The following STAT5B variants were observed in gnomAD, a reference collection of about 807,000 sequenced individuals.
STAT5B encodes signal transducer and activator of transcription 5B, also known as transcription factor STAT5B.
A neutral mutation model predicts 107.8 loss-of-function variants in STAT5B; 21 were observed. That is an observed-to-expected ratio of 0.19 (90% CI 0.14 to 0.28). The LOEUF is 0.28. Ranked by LOEUF, STAT5B falls within the 10% of genes least tolerant of loss-of-function variation. The pLI is 1.00. For synonymous variants in STAT5B, 325 were observed against 401.7 expected, an observed-to-expected ratio of 0.81 and a Z score of 2.28; for missense variants, 565 against 1,008.2, an observed-to-expected ratio of 0.56 and a Z score of 5.95.
chr17:42,236,002 A>T (rs1598317508), intron 1 of STAT5B, among the ~76,000 whole-genome samples: 1 of 152,146 alleles, frequency 6.6e-6, no homozygotes, highest in African/African-American at 2.4e-5. Context: ...TTTTGCCTTA[A>T]ATTTTAGATT....
chr17:42,225,719 A>ATTT (rs777934407), intron 3 of STAT5B, among the ~76,000 whole-genome samples: 51 of 152,180 alleles, frequency 3.4e-4, no homozygotes, highest in Non-Finnish European at 6.2e-4. Context: ...CTGTTCTGTC[A>ATTT]TATCTTTATT....
intron 1 of STAT5B, among the ~76,000 whole-genome samples, chr17:42,260,931 T>TTG (rs2080590291): frequency 2.6e-5 from 4 of 151,708 alleles, no homozygotes; most frequent in Admixed American, 2.6e-4. Context: ...TTTTTTTTTT[T>TTG]CTTGAGACAG....
In STAT5B at chr17:42,202,225, G is replaced by A. The variant is rs929902845; in HGVS notation, c.2237+115C>T. The A allele has an allele frequency of 8.0e-6, 10 of 1,242,312 alleles. No homozygotes were observed. The African/African-American group carries it at 1.5e-4, about 19-fold the overall frequency. 77.0% of individuals were successfully genotyped at this position (1,242,312 alleles called of 1,614,324 possible). A position where few individuals can be genotyped will look rare whatever the true frequency, so the allele number is the denominator to read the frequency against. ...AGGCCAGAGCCCGGGCCAGGGCTGTGTGGTCTCAGACCTAGAGGAGCTCTG... is the reference window on the plus strand; with the variant it reads ...AGGCCAGAGCCCGGGCCAGGGCTGTATGGTCTCAGACCTAGAGGAGCTCTG... On this transcript the variant is annotated intron_variant, in intron 18 of 18. Transcript: ENST00000293328.
chr17:42,249,338 A>T (rs1401775496), intron 1 of STAT5B, among the ~76,000 whole-genome samples: 1 of 152,178 alleles, frequency 6.6e-6, no homozygotes, highest in Admixed American at 6.5e-5. Flanking sequence ...GGTAGCAGAG[A>T]GCCAAGATTG....
chr17:42,263,368 A>C (rs1182746554), intron 1 of STAT5B, among the ~76,000 whole-genome samples: 1 of 152,104 alleles, frequency 6.6e-6, no homozygotes, highest in African/African-American at 2.4e-5. Flanking sequence ...ATTAACAAAA[A>C]CATCACAAAC....
chr17:42,279,892 G>A (rs1483610408), upstream of STAT5B, among the ~76,000 whole-genome samples: 1 of 152,086 alleles, frequency 6.6e-6, no homozygotes, highest in Non-Finnish European at 1.5e-5. Flanking sequence ...TGGTCACCAG[G>A]CACCAAGCTA....
chr17:42,242,040 T>C (rs1413219637), intron 1 of STAT5B, among the ~76,000 whole-genome samples: 1 of 152,076 alleles, frequency 6.6e-6, no homozygotes, highest in Non-Finnish European at 1.5e-5. Flanking sequence ...CCAGGCAACA[T>C]AGAGATGATA....
At position 42,227,510 on chromosome 17, in the gene STAT5B, C is replaced by A; in HGVS notation, c.285+19G>T. The A allele has an allele frequency of 6.2e-7, 1 of 1,612,618 alleles. No individual in the cohort carries two copies. The highest frequency in any genetic ancestry group is 8.5e-7 in the Non-Finnish European group (1 of 1,179,832). On this transcript the variant is annotated intron_variant, in intron 3 of 18. Coordinates refer to ENST00000293328, the MANE Select transcript of STAT5B (RefSeq NM_012448.4). The stretch of plus-strand genomic sequence containing the variant: ...CCCAAGGGAAGGTAATTAAGTGTGA[C>A]CCCAGAGCCCACACCCACCTGGAGC...
At chr17:42,202,469 G>A (rs1398877988) in intron 17 of STAT5B, 22 bp from the exon 18 acceptor site, 8 of 1,612,522 alleles carry the variant, frequency 5.0e-6, no homozygotes, top group Non-Finnish European at 6.8e-6. Flanking sequence ...AGAGAACAGA[G>A]CTTCAGCTGC....
At chr17:42,260,220 C>T (rs1458388530) in intron 1 of STAT5B, among the ~76,000 whole-genome samples, 1 of 152,178 alleles carries the variant, frequency 6.6e-6, no homozygotes, top group Admixed American at 6.6e-5. Context: ...ACGTTTGGAA[C>T]ACCTTCAGTA....
intron 1 of STAT5B, among the ~76,000 whole-genome samples, chr17:42,253,701 G>A (rs1294998382): frequency 6.6e-6 from 1 of 152,026 alleles, no homozygotes; most frequent in African/African-American, 2.4e-5. Context: ...TTAGAGACAG[G>A]GTCTTGTTCT....
chr17:42,239,628 C>A (rs2080386184), intron 1 of STAT5B, among the ~76,000 whole-genome samples: 1 of 152,156 alleles, frequency 6.6e-6, no homozygotes, highest in South Asian at 2.1e-4. Flanking sequence ...TCCTAAATCC[C>A]TCAGACGTAG....
At chr17:42,287,335 C>CCCA in the STAT5B span, among the ~76,000 whole-genome samples, 5 of 150,764 alleles carry the variant, frequency 3.3e-5, no homozygotes, top group African/African-American at 1.2e-4. Flanking sequence ...AATGCACCCC[C>CCCA]CCCAACAGAA....
At chr17:42,232,509 A>C (rs1013776528) in intron 1 of STAT5B, among the ~76,000 whole-genome samples, 2 of 152,094 alleles carry the variant, frequency 1.3e-5, no homozygotes, top group African/African-American at 2.4e-5. Flanking sequence ...TCAGCCTCCT[A>C]AAGTGCTGGG....
At chr17:42,250,321 T>G (rs943454601) in intron 1 of STAT5B, among the ~76,000 whole-genome samples, 1 of 152,162 alleles carries the variant, frequency 6.6e-6, no homozygotes, top group Non-Finnish European at 1.5e-5. Context: ...AATACCTAGT[T>G]TGAAATGAAG....
Position 42,212,092 on chromosome 17 carries a change from G to A in STAT5B, c.1572C>T (p.Gly524=). ...KFKAEVQSNR[G]LTKENLVFLA... is the part of the protein sequence containing the mutation. ...GGAACACGAGGTTCTCCTTGGTCAG[G>A]CCCCGGTTGCTCTGCACTTCGGCCT... is the stretch of plus-strand genomic sequence containing the variant. The change falls in exon 13 of 19, where the codon GGC becomes GGT. Residue 524 remains glycine, a synonymous_variant. Transcript: ENST00000293328. 2 of 1,614,092 alleles carry A rather than the reference G, an allele frequency of 1.2e-6. No homozygotes were observed. Among genetic ancestry groups the A allele is most frequent in the Non-Finnish European group, 1.7e-6 (2 of 1,179,992 alleles).
chr17:42,224,939 G>T, intron 3 of STAT5B, 71 bp from the exon 4 acceptor site: 1 of 1,536,384 alleles, frequency 6.5e-7, no homozygotes, highest in South Asian at 1.1e-5. Flanking sequence ...GCCTCAGGAT[G>T]GGGAGCCTCC....
intron 16 of STAT5B, among the ~76,000 whole-genome samples, chr17:42,203,263 T>C (rs1238781319): frequency 2.0e-5 from 3 of 152,114 alleles, no homozygotes; most frequent in African/African-American, 7.2e-5. Flanking sequence ...TTTCAATCTG[T>C]TAGGAAGACC....
rs2080097657 is a variant in STAT5B, at chr17:42,207,688, T to C, written c.1947A>G (p.Arg649=). The change falls in exon 16 of 19, where the codon AGA becomes AGG. Residue 649 remains arginine (R), a synonymous_variant. Coordinates refer to ENST00000293328, the MANE Select transcript of STAT5B (RefSeq NM_012448.4). The stretch of plus-strand genomic sequence containing the variant: ...CGGCTAGGGACCGAATGGAGAAGTC[T>C]CTGGTGGTAAAAGGCATCAGATTCC... ...MFWNLMPFTT[R]DFSIRSLADR... 6.2e-7 allele frequency: 1 copy of C among 1,614,180 alleles called. No individual in the cohort carries two copies.
Sources: gnomAD v4.1 joint callset for allele counts (sites outside exome capture counted in the v4.1 genomes callset) on GRCh38, gnomAD v4.1.1 for gene constraint, MANE v1.5 for transcripts, NCBI Gene and HGNC (gene_info 2026-07-23, HGNC 2026-07-21) for gene names.